Variants in IER5 observed in about 807,000 individuals in gnomAD.
The protein encoded by IER5 is immediate early response 5.
A neutral mutation model predicts 8.2 loss-of-function variants in IER5; 3 were observed. The ratio of observed to expected loss-of-function variants is 0.36; its 90% CI spans 0.17 to 0.94. IER5 has a LOEUF of 0.94. IER5 is among the 40% of genes least tolerant of loss of function. The pLI, the probability that IER5 is intolerant of heterozygous loss-of-function variation, is 0.43. For missense variants in IER5, 531 were observed against 494.3 expected, an observed-to-expected ratio of 1.07 and a Z score of -0.70; for synonymous variants, 286 against 230.1, an observed-to-expected ratio of 1.24 and a Z score of -2.20.
rs1659408478 is a variant in IER5 at position 181,089,286 on chromosome 1, T to A, written c.384T>A (p.Val128=). The change falls in exon 1 of 1, where the codon GTT becomes GTA. Residue 128 remains valine (V), a synonymous_variant. Coordinates refer to ENST00000367577, the MANE Select transcript of IER5 (RefSeq NM_016545.5). ...CCACGGTGACTGGAGTCGGGGACGT[T>A]TTTCAGGGCGGAGAGGCGGACGCGA... The part of the protein sequence containing the change: ...PVATVTGVGD[V]FQGGEADATE... 6.4e-7 allele frequency: 1 copy of A among 1,557,266 alleles called. No homozygotes were observed. The highest frequency in any genetic ancestry group is 8.7e-7 in the Non-Finnish European group (1 of 1,153,938).
Position 181,089,810 on chromosome 1 carries a change from AGCC to A in IER5, c.909_911del (p.Glu303_Pro304delinsAsp), listed in dbSNP as rs768873784. On this transcript the variant is annotated inframe_deletion, in exon 1 of 1. Coordinates refer to ENST00000367577, the MANE Select transcript of IER5 (RefSeq NM_016545.5). ...GAGGAGAGCGGTCCGGAAGCCGCCG[AGCC>A]CGGGCAGATCTGCTGCGATAAGCCG... 1.9e-6 allele frequency: 3 copies of A among 1,613,630 alleles called. No individual in the cohort carries two copies. The highest frequency in any genetic ancestry group is 2.5e-6 in the Non-Finnish European group (3 of 1,179,936).
At position 181,090,642 on chromosome 1, in the gene IER5, TTAA is replaced by T. The variant is rs1337145015; in HGVS notation, c.*758_*760del. On this transcript the variant is annotated 3_prime_UTR_variant, in exon 1 of 1. Transcript: ENST00000367577. ...ACTACACAGTGCTTTTAAAAAGTGT[TTAA>T]TGAGAGTTTACAGACAGAAGCCCGA... 6.0e-6 allele frequency: 1 copy of T among 167,192 alleles called. No homozygotes were observed. Among genetic ancestry groups the T allele is most frequent in the East Asian group, 1.9e-4 (1 of 5,194 alleles). 10.4% of individuals were successfully genotyped at this position (167,192 alleles called of 1,614,324 possible).
chr1:181,089,536 C>T lies in IER5; in HGVS notation c.634C>T (p.Pro212Ser), dbSNP rs3747952. 10 of 1,288,762 alleles carry T rather than the reference C, an allele frequency of 7.8e-6. No individual in the cohort carries two copies. The East Asian group carries it at 3.0e-4, about 38-fold the overall frequency. 79.8% of individuals were successfully genotyped at this position (1,288,762 alleles called of 1,614,324 possible). The change falls in exon 1 of 1, where the codon CCC becomes TCC. Residue 212 changes from proline (P) to serine (S), a missense_variant. By Grantham distance (74) the Pro-to-Ser change is moderately conservative. Transcript: ENST00000367577. The stretch of plus-strand genomic sequence containing the variant: ...AGCGGAGGACGAGCCCCCCGCGCCG[C>T]CCGCGGTGTGCCCCAGGAAGCGCTG... ...QPAEDEPPAP[P>S]AVCPRKRCAA...
Position 181,089,957 on chromosome 1 carries a change from G to C in IER5, c.*71G>C. On this transcript the variant is annotated 3_prime_UTR_variant, in exon 1 of 1. Transcript: ENST00000367577. ...CGAAGTGAGGGCCAGGCCCTTCCCG[G>C]CTGCGAGGACGCCCAGAGACCGCGG... The C allele has an allele frequency of 6.4e-7, 1 of 1,554,486 alleles. No homozygotes were observed. Among genetic ancestry groups the C allele is most frequent in the Admixed American group, 2.2e-5 (1 of 46,460 alleles).
rs1659423667 is a variant in IER5 at position 181,089,737 on chromosome 1, G to A, written c.835G>A (p.Gly279Arg). Residue 279 changes from glycine to arginine, a missense_variant, in exon 1 of 1, where the codon GGA becomes AGA. Coordinates refer to ENST00000367577, the MANE Select transcript of IER5 (RefSeq NM_016545.5). ...CAGCATCTTCGGTTCCAGTTTCTCG[G>A]GACTCCTACGGAAAAGCCCCGGGGG... ...LISIFGSSFS[G>R]LLRKSPGGGR... The A allele has an allele frequency of 1.2e-6, 2 of 1,613,826 alleles. No individual in the cohort carries two copies. The highest frequency in any genetic ancestry group is 1.3e-5 in the African/African-American group (1 of 74,942).
Position 181,088,749 on chromosome 1 carries a change from A to G in IER5, c.-154A>G. 4.9e-6 allele frequency: 3 copies of G among 611,296 alleles called. No homozygotes were observed. In the South Asian group the frequency reaches 5.5e-5, roughly 11 times the overall value. The allele number at this position is 611,296 out of a possible 1,614,324, so 37.9% of individuals were successfully genotyped here. ...GGAAGTTGTCTTGTTTGGAGAGGTTAGTAGAGCAGCGCGCGCGTCACCAGA... is the reference window on the plus strand; with the variant it reads ...GGAAGTTGTCTTGTTTGGAGAGGTTGGTAGAGCAGCGCGCGCGTCACCAGA... On this transcript the variant is annotated 5_prime_UTR_variant, in exon 1 of 1. Transcript: ENST00000367577.
chr1:181,090,019 C>T lies in IER5; in HGVS notation c.*133C>T. ...GTTGGGCAGACTGGTTGCCTCTGGG[C>T]ATCGCAAACTGCCCCCGGGCGCATC... On this transcript the variant is annotated 3_prime_UTR_variant, in exon 1 of 1. Coordinates refer to ENST00000367577, the MANE Select transcript of IER5 (RefSeq NM_016545.5). The T allele has an allele frequency of 8.6e-7, 1 of 1,164,230 alleles. No individual in the cohort carries two copies. The highest frequency in any genetic ancestry group is 1.2e-6 in the Non-Finnish European group (1 of 823,584). 72.1% of individuals were successfully genotyped at this position (1,164,230 alleles called of 1,614,324 possible). A position where few individuals can be genotyped will look rare whatever the true frequency, so the allele number is the denominator to read the frequency against.
In IER5 at chr1:181,089,049, C is replaced by T. The variant is rs1309746571; in HGVS notation, c.147C>T (p.Ser49=). ...GCAGCGCCCGCCAAGTCTACCTGAGCGACCCGTGCCCCGGCCTCTACCTGG... is the reference window on the plus strand; with the variant it reads ...GCAGCGCCCGCCAAGTCTACCTGAGTGACCCGTGCCCCGGCCTCTACCTGG... ...VLRSARQVYL[S]DPCPGLYLAG... The change falls in exon 1 of 1, where the codon AGC becomes AGT. Residue 49 remains serine, a synonymous_variant. Coordinates refer to ENST00000367577, the MANE Select transcript of IER5 (RefSeq NM_016545.5). 1.9e-6 allele frequency: 3 copies of T among 1,606,786 alleles called. No individual in the cohort carries two copies. Among genetic ancestry groups the T allele is most frequent in the African/African-American group, 1.3e-5 (1 of 74,612 alleles).
At position 181,090,149 on chromosome 1, in the gene IER5, A is replaced by G. The variant is rs1558134999; in HGVS notation, c.*263A>G. On this transcript the variant is annotated 3_prime_UTR_variant, in exon 1 of 1. Transcript: ENST00000367577. ...TATGTAAGTTTGTCTTGTGGCATTAAGACTATTTTGCTCTTCTGGAATGCA... is the reference window on the plus strand; with the variant it reads ...TATGTAAGTTTGTCTTGTGGCATTAGGACTATTTTGCTCTTCTGGAATGCA... 3.7e-6 allele frequency: 2 copies of G among 544,082 alleles called. No individual in the cohort carries two copies. The highest frequency in any genetic ancestry group is 3.3e-6 in the Non-Finnish European group (1 of 302,046). 33.7% of individuals were successfully genotyped at this position (544,082 alleles called of 1,614,324 possible).
In IER5 at chr1:181,090,044, C is replaced by T. The variant is rs1659433488; in HGVS notation, c.*158C>T. ...CATCGCAAACTGCCCCCGGGCGCAT[C>T]TGGCTTATCTGGAGACCTGGGAGCT... On this transcript the variant is annotated 3_prime_UTR_variant, in exon 1 of 1. Coordinates refer to ENST00000367577, the MANE Select transcript of IER5 (RefSeq NM_016545.5). 2 of 850,370 alleles carry T rather than the reference C, an allele frequency of 2.4e-6. No individual in the cohort carries two copies. Among genetic ancestry groups the T allele is most frequent in the African/African-American group, 1.7e-5 (1 of 57,886 alleles). The allele number at this position is 850,370 out of a possible 1,614,324, so 52.7% of individuals were successfully genotyped here.
In IER5 at chr1:181,089,650, C is replaced by A; in HGVS notation, c.748C>A (p.Pro250Thr). ...GCCCCGCCGGAACTTAGAGCAGCCG[C>A]CGAGTGGAGGAGAGGACGACGACGC... Reference protein sequence around the residue: ...KKPRRNLEQPPSGGEDDDAEE... With the variant: ...KKPRRNLEQPTSGGEDDDAEE... The change falls in exon 1 of 1, where the codon CCG (proline) becomes ACG (threonine). Residue 250 changes from proline (P) to threonine (T), a missense_variant. Pro to Thr is a conservative substitution (Grantham distance 38, BLOSUM62 -1). Transcript: ENST00000367577. The A allele has an allele frequency of 6.2e-7, 1 of 1,612,898 alleles. No homozygotes were observed. The highest frequency in any genetic ancestry group is 8.5e-7 in the Non-Finnish European group (1 of 1,179,888).
Position 181,091,877 on chromosome 1 carries a change from C to A in IER5, c.*1991C>A, listed in dbSNP as rs549447441. On this transcript the variant is annotated 3_prime_UTR_variant, in exon 1 of 1. Coordinates refer to ENST00000367577, the MANE Select transcript of IER5 (RefSeq NM_016545.5). Reference sequence around the variant, plus strand: ...TGGCCTTAACTCCCAATTATACGAACTTCTGTTTTAGCTGAATAGGCCAGT... The same window carrying A: ...TGGCCTTAACTCCCAATTATACGAAATTCTGTTTTAGCTGAATAGGCCAGT... 6.6e-6 allele frequency: 1 copy of A among 152,318 alleles called. No individual in the cohort carries two copies. The highest frequency in any genetic ancestry group is 1.5e-5 in the Non-Finnish European group (1 of 68,030). The allele number at this position is 152,318 out of a possible 1,614,324, so 9.4% of individuals were successfully genotyped here.
At position 181,090,661 on chromosome 1, in the gene IER5, A is replaced by G. The variant is rs1175463748; in HGVS notation, c.*775A>G. 1 of 167,156 alleles carries G rather than the reference A, an allele frequency of 6.0e-6. No individual in the cohort carries two copies. The highest frequency in any genetic ancestry group is 1.9e-4 in the East Asian group (1 of 5,212). The allele number at this position is 167,156 out of a possible 1,614,324, so 10.4% of individuals were successfully genotyped here. On this transcript the variant is annotated 3_prime_UTR_variant, in exon 1 of 1. Transcript: ENST00000367577. The stretch of plus-strand genomic sequence containing the variant: ...AAGTGTTTAATGAGAGTTTACAGAC[A>G]GAAGCCCGAAGTGGAAAGACCTTAT...
Position 181,089,998 on chromosome 1 carries a change from G to T in IER5, c.*112G>T, listed in dbSNP as rs1324232824. The T allele has an allele frequency of 4.3e-6, 6 of 1,405,816 alleles. No homozygotes were observed. In the African/African-American group the frequency reaches 8.7e-5, roughly 20 times the overall value. The allele number at this position is 1,405,816 out of a possible 1,614,324, so 87.1% of individuals were successfully genotyped here. On this transcript the variant is annotated 3_prime_UTR_variant, in exon 1 of 1. Transcript: ENST00000367577. ...GAGACCGCGGGCGCTGAGCGCGTTG[G>T]GCAGACTGGTTGCCTCTGGGCATCG...
At position 181,089,885 on chromosome 1, in the gene IER5, G is replaced by A; in HGVS notation, c.983G>A (p.Ter328=). 1 of 1,611,256 alleles carries A rather than the reference G, an allele frequency of 6.2e-7. No individual in the cohort carries two copies. Among genetic ancestry groups the A allele is most frequent in the East Asian group, 2.2e-5 (1 of 44,800 alleles). The stretch of plus-strand genomic sequence containing the variant: ...TGGAGCACAGCCATCGTGGCCTTCT[G>A]AGCCCTTGGCCCCCCTGCGGGGAGG... ...NPWSTAIVAF[*] is the part of the protein sequence containing the mutation. Residue 328 remains the stop codon, a stop_retained_variant, in exon 1 of 1, where the codon TGA becomes TAA. Coordinates refer to ENST00000367577, the MANE Select transcript of IER5 (RefSeq NM_016545.5).
In IER5 at chr1:181,088,888, G is replaced by T. The variant is rs199911548; in HGVS notation, c.-15G>T. 16 of 1,610,320 alleles carry T rather than the reference G, an allele frequency of 9.9e-6. No individual in the cohort carries two copies. The highest frequency in any genetic ancestry group is 1.2e-5 in the Non-Finnish European group (14 of 1,178,230). ...GTGTCACCCCGGCGCCGACGGCCCT[G>T]TGCAGGGGAAGCAGATGGAGTTCAA... On this transcript the variant is annotated 5_prime_UTR_variant, in exon 1 of 1. Transcript: ENST00000367577.
In IER5 at chr1:181,089,615, C is replaced by A. The variant is rs1219320890; in HGVS notation, c.713C>A (p.Pro238Gln). The change falls in exon 1 of 1, where the codon CCG (proline) becomes CAG (glutamine). Residue 238 changes from proline (P) to glutamine (Q), a missense_variant. Pro to Gln is a moderately conservative substitution (Grantham distance 76). Transcript: ENST00000367577. Reference sequence around the variant, plus strand: ...GGCTGCCCGGCGCCCGGCTCGACCCCGCTCAAGAAGCCCCGCCGGAACTTA... The same window carrying A: ...GGCTGCCCGGCGCCCGGCTCGACCCAGCTCAAGAAGCCCCGCCGGAACTTA... ...PAGCPAPGST[P>Q]LKKPRRNLEQ... The A allele has an allele frequency of 1.9e-6, 3 of 1,610,930 alleles. No homozygotes were observed. The highest frequency in any genetic ancestry group is 1.1e-5 in the South Asian group (1 of 90,912).
rs767858598 is a variant in IER5 at position 181,089,488 on chromosome 1, G to A, written c.586G>A (p.Ala196Thr). Residue 196 changes from alanine (A) to threonine (T), a missense_variant, in exon 1 of 1, where the codon GCC (alanine) becomes ACC (threonine). Transcript: ENST00000367577. ...PGTPAATPRA[A>T]CCCAPQPAED... Reference sequence around the variant, plus strand: ...TACACCGGCCGCGACCCCCCGCGCTGCCTGCTGCTGCGCGCCGCAACCAGC... The same window carrying A: ...TACACCGGCCGCGACCCCCCGCGCTACCTGCTGCTGCGCGCCGCAACCAGC... 7 of 1,327,076 alleles carry A rather than the reference G, an allele frequency of 5.3e-6. No homozygotes were observed. The South Asian group carries it at 1.2e-4, about 23-fold the overall frequency. The allele number at this position is 1,327,076 out of a possible 1,614,324, so 82.2% of individuals were successfully genotyped here. A position where few individuals can be genotyped will look rare whatever the true frequency, so the allele number is the denominator to read the frequency against.
rs1659401572 is a variant in IER5 at position 181,089,153 on chromosome 1, G to A, written c.251G>A (p.Gly84Glu). The change falls in exon 1 of 1, where the codon GGA becomes GAA. Residue 84 changes from glycine to glutamate, a missense_variant. Transcript: ENST00000367577. Reference sequence around the variant, plus strand: ...GCGGCCGGGCCACCCGCCGGCTGGGGAGAGCCGCCCCCGCCCGCCGCTCGT... The same window carrying A: ...GCGGCCGGGCCACCCGCCGGCTGGGAAGAGCCGCCCCCGCCCGCCGCTCGT... Reference protein sequence around the residue: ...EPAAGPPAGWGEPPPPAARAS... With the variant: ...EPAAGPPAGWEEPPPPAARAS... 7.0e-7 allele frequency: 1 copy of A among 1,434,380 alleles called. No individual in the cohort carries two copies. The highest frequency in any genetic ancestry group is 2.9e-5 in the Admixed American group (1 of 34,696). The allele number at this position is 1,434,380 out of a possible 1,614,324, so 88.9% of individuals were successfully genotyped here.
Sources: gnomAD v4.1 joint callset for allele counts on GRCh38, gnomAD v4.1.1 for gene constraint, MANE v1.5 for transcripts, NCBI Gene and HGNC (gene_info 2026-07-23, HGNC 2026-07-21) for gene names.